The following CABYR variants were observed in gnomAD, a reference collection of about 807,000 sequenced individuals.
CABYR encodes calcium-binding tyrosine phosphorylation-regulated protein.
Under a neutral mutation model 36.1 loss-of-function variants are expected in CABYR, and 31 were observed. That is an observed-to-expected ratio of 0.86 (90% confidence interval 0.64 to 1.16). The LOEUF (loss-of-function observed/expected upper bound fraction) is 1.16. Ranked by LOEUF, CABYR falls within the 50% of genes most tolerant of loss-of-function variation. The probability of loss-of-function intolerance (pLI) is 0.00; values close to 1 mark genes in which losing one functional copy is unlikely to be tolerated. For synonymous variants in CABYR, 146 were observed against 160.7 expected, an observed-to-expected ratio of 0.91 and a Z score of 0.69; for missense variants, 429 against 455.8, an observed-to-expected ratio of 0.94 and a Z score of 0.53.
chr18:24,149,326 G>GTC (rs2085544917), intron 3 of CABYR, among the ~76,000 whole-genome samples: 2 of 152,216 alleles, frequency 1.3e-5, no homozygotes, highest in South Asian at 4.2e-4. Flanking sequence ...GATACAGAGT[G>GTC]TTGATTGGTG....
chr18:24,149,228 C>G (rs1599380964), intron 3 of CABYR, among the ~76,000 whole-genome samples: 2 of 151,220 alleles, frequency 1.3e-5, no homozygotes, highest in South Asian at 4.2e-4. Flanking sequence ...CGTTTACAAA[C>G]CTTGAGCTAG....
intron 3 of CABYR, among the ~76,000 whole-genome samples, chr18:24,143,651 G>T (rs2145854221): frequency 6.6e-6 from 1 of 151,546 alleles, no homozygotes; most frequent in Middle Eastern, 3.4e-3. Flanking sequence ...TCCTGTCTTA[G>T]CCTCCCAAGT....
intron 1 of CABYR, chr18:24,139,398 A>G (rs1428712390): frequency 6.6e-6 from 1 of 152,302 alleles, no homozygotes; most frequent in African/African-American, 2.4e-5. Flanking sequence ...CGTCTCTCCC[A>G]AACAGACCTA....
intron 5 of CABYR, 147 bp downstream of exon 5, chr18:24,160,216 C>T: frequency 1.6e-6 from 1 of 635,842 alleles, no homozygotes; most frequent in South Asian, 2.0e-5. Flanking sequence ...GTTACTGTCT[C>T]CAACTTCCTA....
intron 3 of CABYR, chr18:24,150,741 T>C (rs2085601276): frequency 1.1e-5 from 2 of 187,652 alleles, no homozygotes; most frequent in Non-Finnish European, 9.9e-6. Context: ...CTCTTTGAGC[T>C]TCCCACCTCC....
intron 3 of CABYR, among the ~76,000 whole-genome samples, chr18:24,147,983 T>C (rs2085500538): frequency 6.6e-6 from 1 of 152,212 alleles, no homozygotes; most frequent in Non-Finnish European, 1.5e-5. Flanking sequence ...GTGTCATTCT[T>C]AGGATGTTTT....
chr18:24,149,966 C>T (rs1350422974), intron 3 of CABYR, among the ~76,000 whole-genome samples: 1 of 152,264 alleles, frequency 6.6e-6, no homozygotes, highest in Non-Finnish European at 1.5e-5. Context: ...CTGAGGGAGC[C>T]GGCTCTGGCC....
intron 1 of CABYR, chr18:24,139,548 C>T (rs1257983995): frequency 6.6e-6 from 1 of 152,266 alleles, no homozygotes; most frequent in East Asian, 1.9e-4. Context: ...AAGGCGTTAC[C>T]CTTGTGGTAG....
At chr18:24,149,964 G>T (rs2085576652) in intron 3 of CABYR, among the ~76,000 whole-genome samples, 1 of 152,260 alleles carries the variant, frequency 6.6e-6, no homozygotes. Flanking sequence ...AGCTGAGGGA[G>T]CCGGCTCTGG....
At chr18:24,141,130 G>T (rs886272705) in intron 1 of CABYR, among the ~76,000 whole-genome samples, 1 of 152,144 alleles carries the variant, frequency 6.6e-6, no homozygotes, top group Admixed American at 6.5e-5. Flanking sequence ...GAATGATATC[G>T]TAAAAGGAAG....
intron 1 of CABYR, among the ~76,000 whole-genome samples, chr18:24,141,579 T>C (rs1022952893): frequency 6.6e-6 from 1 of 152,230 alleles, no homozygotes; most frequent in African/African-American, 2.4e-5. Flanking sequence ...ATGCCCATCT[T>C]TATCAAAGTG....
Position 24,160,060 on chromosome 18 carries a change from CTG to C in CABYR, c.1131_1132del (p.Glu378LysfsTer6). 6.2e-7 allele frequency: 1 copy of C among 1,609,652 alleles called. No individual in the cohort carries two copies. Among genetic ancestry groups the C allele is most frequent in the Non-Finnish European group, 8.5e-7 (1 of 1,177,456 alleles). On this transcript the variant is annotated frameshift_variant, in exon 5 of 6. Coordinates refer to ENST00000399496, the MANE Select transcript of CABYR (RefSeq NM_153769.3). LOFTEE classifies it high-confidence loss of function. ...GCTCACAAACGTCGCAAAGCAGAAA[CTG>C]AAAACTGGTAGGTACACTTTCCTAC...
intron 3 of CABYR, among the ~76,000 whole-genome samples, chr18:24,143,990 CG>C (rs2085395346): frequency 6.6e-6 from 1 of 151,984 alleles, no homozygotes; most frequent in South Asian, 2.1e-4. Context: ...CTCTGCCTCC[CG>C]GGTTCAAACG....
At chr18:24,148,130 G>C (rs1176091391) in intron 3 of CABYR, among the ~76,000 whole-genome samples, 1 of 152,130 alleles carries the variant, frequency 6.6e-6, no homozygotes, top group Non-Finnish European at 1.5e-5. Context: ...GCAGATTTCC[G>C]CTTCTGTCCC....
At position 24,159,549 on chromosome 18, in the gene CABYR, C is replaced by A. The variant is rs1418454608; in HGVS notation, c.619C>A (p.Gln207Lys). Residue 207 changes from glutamine (Q) to lysine (K), a missense_variant, in exon 5 of 6, where the codon CAA (glutamine) becomes AAA (lysine). Transcript: ENST00000399496. ...CCTTTATTGTCTAACTGATAAGAAT[C>A]AACAAGGTCACCCATCACCGCCACC... ...WTLYCLTDKN[Q>K]QGHPSPPPAP... 3.1e-6 allele frequency: 5 copies of A among 1,613,940 alleles called. No individual in the cohort carries two copies. The Admixed American group carries it at 5.0e-5, about 16-fold the overall frequency.
intron 3 of CABYR, among the ~76,000 whole-genome samples, chr18:24,149,797 G>A (rs1382084305): frequency 6.6e-6 from 1 of 152,254 alleles, no homozygotes; most frequent in Non-Finnish European, 1.5e-5. Context: ...ACTGGCCTGG[G>A]TGCTAAGCCC....
chr18:24,160,360 G>A (rs535819246), intron 5 of CABYR: 5 of 328,544 alleles, frequency 1.5e-5, no homozygotes, highest in Non-Finnish European at 2.8e-5. Flanking sequence ...AACAAACACA[G>A]TGGTAGATGC....
chr18:24,149,673 G>A (rs536803672), intron 3 of CABYR, among the ~76,000 whole-genome samples: 1 of 152,340 alleles, frequency 6.6e-6, no homozygotes, highest in East Asian at 1.9e-4. Flanking sequence ...CAGGCATGGC[G>A]GGCTGCAGGT....
intron 1 of CABYR, among the ~76,000 whole-genome samples, chr18:24,140,910 T>C (rs2085306132): frequency 1.3e-5 from 2 of 152,238 alleles, no homozygotes; most frequent in South Asian, 4.1e-4. Flanking sequence ...TACTCCATTG[T>C]ATGTATGTAC....
Sources: allele counts gnomAD v4.1 joint callset (sites outside exome capture counted in the v4.1 genomes callset), GRCh38; gene constraint gnomAD v4.1.1; transcripts MANE v1.5; gene names NCBI Gene and HGNC (gene_info 2026-07-23, HGNC 2026-07-21).